SLC35D4: variants seen among roughly 807,000 people sequenced by gnomAD.
SLC35D4 encodes UDP-N-acetylglucosamine transporter SLC35D4.
At chr18:23,297,558 GA>G in the SLC35D4 span, 228 of 135,390 alleles carry the variant, frequency 1.7e-3, no homozygotes, top group African/African-American at 3.8e-3. Flanking sequence ...TTTTAAAAAT[GA>G]AAAAAAAAAA....
the SLC35D4 span, among the ~76,000 whole-genome samples, chr18:23,433,728 T>C: frequency 6.6e-6 from 1 of 152,178 alleles, no homozygotes; most frequent in Non-Finnish European, 1.5e-5. Flanking sequence ...GAATGAGCTA[T>C]ATAAGATCTT....
chr18:23,307,602 A>G, the SLC35D4 span, among the ~76,000 whole-genome samples: 1 of 152,258 alleles, frequency 6.6e-6, no homozygotes, highest in Non-Finnish European at 1.5e-5. Context: ...TTCCTGTCTC[A>G]GATGAGAGCT....
chr18:23,412,406 T>G, the SLC35D4 span, among the ~76,000 whole-genome samples: 3 of 152,232 alleles, frequency 2.0e-5, no homozygotes, highest in African/African-American at 4.8e-5. Flanking sequence ...AAAGTCAGTA[T>G]TTTCTTTAAA....
chr18:23,322,103 G>T, the SLC35D4 span, among the ~76,000 whole-genome samples: 2 of 152,284 alleles, frequency 1.3e-5, no homozygotes, highest in East Asian at 3.9e-4. Context: ...TTATCTGATT[G>T]TACATTTATT....
At chr18:23,396,956 A>T in the SLC35D4 span, among the ~76,000 whole-genome samples, 1 of 152,320 alleles carries the variant, frequency 6.6e-6, no homozygotes, top group South Asian at 2.1e-4. Context: ...AGACCAGGAC[A>T]GCTGCAGATC....
chr18:23,411,305 GAGGGAAGGGAAAGGGAAGAGA>G, the SLC35D4 span, among the ~76,000 whole-genome samples: 41 of 142,862 alleles, frequency 2.9e-4, no homozygotes, highest in African/African-American at 8.9e-4. Context: ...AAGGGAAGAG[GAGGGAAGGGAAAGGGAAGAGA>G]AGGGAAGGGA....
chr18:23,335,239 C>T, the SLC35D4 span, among the ~76,000 whole-genome samples: 1 of 152,156 alleles, frequency 6.6e-6, no homozygotes, highest in South Asian at 2.1e-4. Flanking sequence ...CAAAATTGTA[C>T]CAAGTAAATA....
the SLC35D4 span, chr18:23,356,809 G>A: frequency 1.5e-6 from 1 of 646,806 alleles, no homozygotes; most frequent in Non-Finnish European, 2.7e-6. The surrounding 1 kb of genome is among the most constrained non-coding windows in gnomAD (Gnocchi z 4.1). Context: ...GCATTCCCAG[G>A]GATTCTGTTA....
the SLC35D4 span, among the ~76,000 whole-genome samples, chr18:23,384,719 C>A: frequency 6.6e-6 from 1 of 152,230 alleles, no homozygotes; most frequent in East Asian, 1.9e-4. Flanking sequence ...CCCCAGCAGG[C>A]CCACAGCAAA....
chr18:23,324,086 A>T, the SLC35D4 span, among the ~76,000 whole-genome samples: 15 of 151,092 alleles, frequency 9.9e-5, no homozygotes, highest in Non-Finnish European at 8.8e-5. Flanking sequence ...CTGTCTCAAA[A>T]GAAAAAAAAA....
At chr18:23,252,824 G>A in the SLC35D4 span, 6 of 595,962 alleles carry the variant, frequency 1.0e-5, no homozygotes, top group Non-Finnish European at 1.5e-5. Context: ...ATTCCGCCGA[G>A]CCCTTGTTGT....
At chr18:23,432,324 A>T in the SLC35D4 span, among the ~76,000 whole-genome samples, 1 of 152,196 alleles carries the variant, frequency 6.6e-6, no homozygotes, top group East Asian at 1.9e-4. Context: ...CATCACTGAG[A>T]AGTGTTGCTC....
chr18:23,281,195 T>A, the SLC35D4 span, among the ~76,000 whole-genome samples: 502 of 152,336 alleles, frequency 3.3e-3, 3 homozygotes, highest in African/African-American at 0.012. Flanking sequence ...TACAATTAGA[T>A]AGTGATAACG....
At chr18:23,356,765 G>A in the SLC35D4 span, 3 of 958,852 alleles carry the variant, frequency 3.1e-6, no homozygotes, top group South Asian at 1.5e-5. The surrounding 1 kb of genome is among the most constrained non-coding windows in gnomAD (Gnocchi z 4.1). Flanking sequence ...TAGCAGTCCT[G>A]TGCTTTCAGT....
the SLC35D4 span, among the ~76,000 whole-genome samples, chr18:23,275,910 G>T: frequency 6.6e-6 from 1 of 152,200 alleles, no homozygotes; most frequent in African/African-American, 2.4e-5. Context: ...ATACACACAG[G>T]TGGTAGAATG....
the SLC35D4 span, among the ~76,000 whole-genome samples, chr18:23,267,325 T>A: frequency 6.6e-6 from 1 of 152,134 alleles, no homozygotes; most frequent in African/African-American, 2.4e-5. Flanking sequence ...TCAGGGTGTC[T>A]ATGACACACT....
the SLC35D4 span, among the ~76,000 whole-genome samples, chr18:23,309,228 T>TTGTG: frequency 3.6e-4 from 53 of 145,764 alleles, no homozygotes; most frequent in South Asian, 2.5e-3. Flanking sequence ...AAAGGGCTGA[T>TTGTG]TGTGTGTGTG....
the SLC35D4 span, among the ~76,000 whole-genome samples, chr18:23,307,214 T>C: frequency 6.6e-6 from 1 of 152,250 alleles, no homozygotes; most frequent in Admixed American, 6.5e-5. Flanking sequence ...ACTTGATATA[T>C]TTCTGTATTG....
At chr18:23,404,494 G>A in the SLC35D4 span, among the ~76,000 whole-genome samples, 1 of 151,626 alleles carries the variant, frequency 6.6e-6, no homozygotes, top group Non-Finnish European at 1.5e-5. Context: ...CCAACATGGT[G>A]AAACCCCGTC....
Sources: gnomAD v4.1 joint callset for allele counts (sites outside exome capture counted in the v4.1 genomes callset) on GRCh38, gnomAD v4.1.1 for gene constraint, Gnocchi (gnomAD v3.1) non-coding constraint, MANE v1.5 for transcripts, NCBI Gene and HGNC (gene_info 2026-07-23, HGNC 2026-07-21) for gene names.